GARRE1: variants seen among roughly 807,000 people sequenced by gnomAD.
GARRE1 encodes granule associated Rac and RHOG effector protein 1.
Under a neutral mutation model 103.2 loss-of-function variants are expected in GARRE1, and 49 were observed. The observed-to-expected ratio is 0.47, with a 90% CI of 0.38 to 0.60. GARRE1 has a LOEUF of 0.60. GARRE1 is among the 20% of genes least tolerant of loss of function. The pLI is 0.00. For missense variants in GARRE1, 1,199 were observed against 1,370.5 expected (o/e 0.87, Z 1.98); for synonymous variants, 505 against 532.8 (o/e 0.95, Z 0.72).
chr19:34,339,683 T>C (rs1384222948), intron 8 of GARRE1, among the ~76,000 whole-genome samples, 184 bp from the exon 9 acceptor site: 1 of 152,224 alleles, frequency 6.6e-6, no homozygotes, highest in African/African-American at 2.4e-5. Flanking sequence ...TTTTGCTTCC[T>C]ACTCCTCTTG....
chr19:34,270,337 G>C (rs2073779411), intron 1 of GARRE1, among the ~76,000 whole-genome samples: 1 of 152,250 alleles, frequency 6.6e-6, no homozygotes, highest in Non-Finnish European at 1.5e-5. Flanking sequence ...CCTCAGCCTT[G>C]TGGGTGGAGA....
chr19:34,285,308 TGGCAAAATGTCATTTG>T (rs2073879740), intron 1 of GARRE1: 1 of 152,092 alleles, frequency 6.6e-6, no homozygotes, highest in African/African-American at 2.4e-5. Context: ...CATTGTTTCT[TGGCAAAATGTCATTTG>T]AAAATGATAG....
intron 13 of GARRE1, 50 bp from the exon 14 acceptor site, chr19:34,352,597 T>G (rs536015337): frequency 6.7e-7 from 1 of 1,494,924 alleles, no homozygotes; most frequent in African/African-American, 1.4e-5. Context: ...AGGTGGGAAA[T>G]GATGATACAT....
rs76120367 is a variant in GARRE1 at position 34,275,700 on chromosome 19, T to A, written c.-796+21086T>A. Among the ~76,000 whole-genome samples, 780 of 152,340 alleles carry A rather than the reference T, an allele frequency of 5.1e-3. 4 individuals carry two copies. The highest frequency in any genetic ancestry group is 0.018 in the African/African-American group (740 of 41,582). ...CTCCAAACGTTCATCTGCATGTTGG[T>A]TTGTAGACATGTTTTTCATTTCTCT... On this transcript the variant is annotated intron_variant, in intron 1 of 13. Coordinates refer to ENST00000299505, the MANE Select transcript of GARRE1 (RefSeq NM_014686.5).
chr19:34,293,715 A>AAAACACACACACACACACACACACAC (rs1555781735), intron 1 of GARRE1, among the ~76,000 whole-genome samples: 32 of 100,498 alleles, frequency 3.2e-4, no homozygotes, highest in African/African-American at 1.2e-3. Flanking sequence ...TAAACATATA[A>AAAACACACACACACACACACACACAC]ACACACACAC....
intron 1 of GARRE1, among the ~76,000 whole-genome samples, chr19:34,298,286 C>T (rs886943135): frequency 1.3e-5 from 2 of 151,554 alleles, no homozygotes; most frequent in African/African-American, 4.8e-5. Flanking sequence ...CATGGTGGTA[C>T]ATCTGTAGTC....
intron 1 of GARRE1, among the ~76,000 whole-genome samples, chr19:34,254,998 C>G (rs1347449129): frequency 6.6e-6 from 1 of 151,786 alleles, no homozygotes; most frequent in African/African-American, 2.4e-5. Context: ...AGGACCCGCT[C>G]CCGGAAGCCC....
intron 8 of GARRE1, among the ~76,000 whole-genome samples, chr19:34,335,603 G>A (rs2074157509): frequency 6.6e-6 from 1 of 152,206 alleles, no homozygotes. Context: ...TCGGCTCACT[G>A]CAGCCTCTTC....
At chr19:34,331,021 T>TA (rs1244743046) in intron 7 of GARRE1, among the ~76,000 whole-genome samples, 1 of 151,784 alleles carries the variant, frequency 6.6e-6, no homozygotes, top group Non-Finnish European at 1.5e-5. Flanking sequence ...TCCCTCGGCT[T>TA]CCCGAGTAGC....
chr19:34,339,863 C>G lies in GARRE1; in HGVS notation c.1362-4C>G. Reference sequence around the variant, plus strand: ...AAGACTAATGCAGCCTAATCTATGCCTAGGTGCCTGAAAGAAGACCCTGCT... The same window carrying G: ...AAGACTAATGCAGCCTAATCTATGCGTAGGTGCCTGAAAGAAGACCCTGCT... On this transcript the variant is annotated splice_region_variant and splice_polypyrimidine_tract_variant and intron_variant, in intron 8 of 13. Coordinates refer to ENST00000299505, the MANE Select transcript of GARRE1 (RefSeq NM_014686.5). 1 of 1,614,098 alleles carries G rather than the reference C, an allele frequency of 6.2e-7. No individual in the cohort carries two copies.
At chr19:34,347,006 C>G (rs1377820419) in intron 10 of GARRE1, among the ~76,000 whole-genome samples, 2 of 152,130 alleles carry the variant, frequency 1.3e-5, no homozygotes, top group African/African-American at 4.8e-5. Flanking sequence ...TCACTGCAAC[C>G]TCCACTTCCT....
At chr19:34,315,744 TG>T (rs1433365371) in intron 2 of GARRE1, among the ~76,000 whole-genome samples, 1 of 151,904 alleles carries the variant, frequency 6.6e-6, no homozygotes, top group East Asian at 1.9e-4. Flanking sequence ...GGTAGTTTTT[TG>T]GTGCTCCAAA....
At chr19:34,295,476 C>CT (rs2073942144) in intron 1 of GARRE1, among the ~76,000 whole-genome samples, 1 of 151,298 alleles carries the variant, frequency 6.6e-6, no homozygotes, top group African/African-American at 2.4e-5. Flanking sequence ...TTTCCCTCCC[C>CT]TTTTTAGGCT....
At chr19:34,307,311 G>A (rs898119272) in intron 2 of GARRE1, among the ~76,000 whole-genome samples, 1 of 152,056 alleles carries the variant, frequency 6.6e-6, no homozygotes, top group African/African-American at 2.4e-5. Flanking sequence ...TTCATACTGG[G>A]TAGCTCCAGG....
At position 34,333,816 on chromosome 19, in the gene GARRE1, A is replaced by C. The variant is rs774993718; in HGVS notation, c.1361+15A>C. On this transcript the variant is annotated intron_variant, in intron 8 of 13. Transcript: ENST00000299505. ...CCATCCACATGGTAACGTGCCTCTTACTTTCACCGGAGCCTAAGCTCTGAC... is the reference window on the plus strand; with the variant it reads ...CCATCCACATGGTAACGTGCCTCTTCCTTTCACCGGAGCCTAAGCTCTGAC... 3 of 1,452,642 alleles carry C rather than the reference A, an allele frequency of 2.1e-6. No homozygotes were observed. Among genetic ancestry groups the C allele is most frequent in the Non-Finnish European group, 1.9e-6 (2 of 1,034,182 alleles). The allele number at this position is 1,452,642 out of a possible 1,614,324, so 90.0% of individuals were successfully genotyped here. A position where few individuals can be genotyped will look rare whatever the true frequency, so the allele number is the denominator to read the frequency against.
intron 8 of GARRE1, among the ~76,000 whole-genome samples, chr19:34,336,827 A>G (rs2145275477): frequency 6.6e-6 from 1 of 150,722 alleles, no homozygotes; most frequent in South Asian, 2.1e-4. Context: ...AAACTTAATC[A>G]GAATTCTCAT....
At chr19:34,301,006 A>G (rs773154057) in intron 2 of GARRE1, 38 bp downstream of exon 2, 2 of 1,558,256 alleles carry the variant, frequency 1.3e-6, no homozygotes, top group Non-Finnish European at 1.7e-6. Context: ...GTAGGAAAAT[A>G]TACTACAAAG....
At chr19:34,333,499 G>C (rs1004120404) in intron 7 of GARRE1, among the ~76,000 whole-genome samples, 4 of 152,134 alleles carry the variant, frequency 2.6e-5, no homozygotes, top group African/African-American at 9.7e-5. Context: ...CCAGAATGTG[G>C]TTTCTGTTTA....
At chr19:34,267,778 T>C (rs1323508797) in intron 1 of GARRE1, among the ~76,000 whole-genome samples, 4 of 151,700 alleles carry the variant, frequency 2.6e-5, no homozygotes, top group African/African-American at 7.3e-5. Context: ...TGTGGTTTTT[T>C]TGTTTTTTTT....
Sources: allele counts gnomAD v4.1 joint callset (sites outside exome capture counted in the v4.1 genomes callset), GRCh38; gene constraint gnomAD v4.1.1; transcripts MANE v1.5; gene names NCBI Gene and HGNC (gene_info 2026-07-23, HGNC 2026-07-21).